Variants in RNLS observed in about 807,000 individuals in gnomAD.
RNLS encodes renalase, FAD dependent amine oxidase.
In RNLS, 39 loss-of-function variants were observed where a neutral mutation model predicts 39.8. The ratio of observed to expected loss-of-function variants is 0.98; its 90% CI spans 0.76 to 1.28. The LOEUF is 1.28. RNLS is among the 50% of genes most tolerant of loss of function. RNLS has a pLI of 0.00. For missense variants in RNLS, 410 were observed against 413.3 expected (o/e 0.99, Z 0.07); for synonymous variants, 147 against 150.7 (o/e 0.98, Z 0.18).
At chr10:88,488,697 G>A (rs926440662) in intron 4 of RNLS, among the ~76,000 whole-genome samples, 27 of 151,994 alleles carry the variant, frequency 1.8e-4, no homozygotes, top group Admixed American at 5.2e-4. Flanking sequence ...AAAAGTTGAC[G>A]GCTAATAGAG....
chr10:88,425,354 A>C (rs907146390), intron 4 of RNLS, among the ~76,000 whole-genome samples: 7 of 152,190 alleles, frequency 4.6e-5, no homozygotes, highest in African/African-American at 1.7e-4. Flanking sequence ...TAAATAAAAC[A>C]AAAATTAAAA....
chr10:88,427,729 A>T lies in RNLS; in HGVS notation c.527-65004T>A, dbSNP rs117980962. Reference sequence around the variant, plus strand: ...AGAAATCAGTCATATTCTTAAAGTCATTAAAGGGAAAAGATACAAATGATG... The same window carrying T: ...AGAAATCAGTCATATTCTTAAAGTCTTTAAAGGGAAAAGATACAAATGATG... On this transcript the variant is annotated intron_variant, in intron 4 of 6. Coordinates refer to ENST00000331772, the MANE Select transcript of RNLS (RefSeq NM_001031709.3). Among the ~76,000 whole-genome samples the T allele has an allele frequency of 8.5e-3, 1,290 of 152,124 alleles. 20 individuals are homozygous for T. The highest frequency in any genetic ancestry group is 0.032 in the East Asian group (167 of 5,178).
Position 88,542,387 on chromosome 10 carries a change from C to A in RNLS, c.526+30516G>T, listed in dbSNP as rs557092157. On this transcript the variant is annotated intron_variant, in intron 4 of 6. Coordinates refer to ENST00000331772, the MANE Select transcript of RNLS (RefSeq NM_001031709.3). ...CATTAAGTGCACTTGAAAAAATATA[C>A]CCTTGTTTGTCTTTGTTTTATCTAA... is the stretch of plus-strand genomic sequence containing the variant. Among the ~76,000 whole-genome samples the A allele has an allele frequency of 2.0e-5, 3 of 152,208 alleles. No homozygotes were observed. The East Asian group carries it at 5.8e-4, about 29-fold the overall frequency.
intron 5 of RNLS, among the ~76,000 whole-genome samples, chr10:88,358,562 A>T (rs1316962628): frequency 5.9e-5 from 9 of 152,220 alleles, no homozygotes; most frequent in Non-Finnish European, 1.5e-5. Context: ...TTGCAAATTT[A>T]TTTGATGACA....
intron 6 of RNLS, among the ~76,000 whole-genome samples, chr10:88,302,424 AACTGGCCAATGTC>A (rs1844597543): frequency 6.6e-6 from 1 of 152,238 alleles, no homozygotes; most frequent in Non-Finnish European, 1.5e-5. Flanking sequence ...CATGACGATG[AACTGGCCAATGTC>A]TTTGAAGGTT....
chr10:88,500,382 C>A (rs779861130), intron 4 of RNLS, among the ~76,000 whole-genome samples: 1 of 152,124 alleles, frequency 6.6e-6, no homozygotes, highest in Non-Finnish European at 1.5e-5. Context: ...TTTGAAGCAT[C>A]TGTATTTTCC....
chr10:88,385,469 A>G (rs1208852167), intron 4 of RNLS, among the ~76,000 whole-genome samples: 1 of 152,244 alleles, frequency 6.6e-6, no homozygotes, highest in African/African-American at 2.4e-5. Context: ...TAGACATGGT[A>G]GAATTTAGTA....
At chr10:88,214,363 TTTCTC>T in the RNLS span, among the ~76,000 whole-genome samples, 1 of 152,146 alleles carries the variant, frequency 6.6e-6, no homozygotes, top group Admixed American at 6.5e-5. Flanking sequence ...GCAACTCCCT[TTTCTC>T]TTTCCTTTAC....
the RNLS span, among the ~76,000 whole-genome samples, chr10:88,217,946 G>A: frequency 3.9e-5 from 6 of 152,038 alleles, no homozygotes; most frequent in Non-Finnish European, 8.8e-5. Context: ...AGGCTGAGGT[G>A]AGAGAATCGC....
At chr10:88,318,428 C>T (rs1180418933) in intron 5 of RNLS, among the ~76,000 whole-genome samples, 1 of 152,224 alleles carries the variant, frequency 6.6e-6, no homozygotes, top group Non-Finnish European at 1.5e-5. Flanking sequence ...CCTTTAGCCA[C>T]TGTTGAGGAT....
intron 4 of RNLS, among the ~76,000 whole-genome samples, chr10:88,426,484 G>GA (rs903067103): frequency 6.6e-6 from 1 of 151,520 alleles, no homozygotes. Context: ...GAGATACAGG[G>GA]AAAAAAAATT....
chr10:88,551,860 A>G (rs935296488), intron 4 of RNLS, among the ~76,000 whole-genome samples: 9 of 152,218 alleles, frequency 5.9e-5, no homozygotes, highest in African/African-American at 2.2e-4. Context: ...TATCTAGCAC[A>G]TAATGGGTAC....
At chr10:88,570,065 A>C (rs1564909419) in intron 4 of RNLS, among the ~76,000 whole-genome samples, 1 of 152,174 alleles carries the variant, frequency 6.6e-6, no homozygotes, top group Non-Finnish European at 1.5e-5. Context: ...CCCTGAACAG[A>C]AACAGGAAAA....
At chr10:88,569,379 T>C (rs1201065317) in intron 4 of RNLS, among the ~76,000 whole-genome samples, 1 of 152,082 alleles carries the variant, frequency 6.6e-6, no homozygotes, top group Admixed American at 6.6e-5. Context: ...AAAGATTTAA[T>C]ATTTCAATTC....
At chr10:88,469,666 A>C (rs369534560) in intron 4 of RNLS, among the ~76,000 whole-genome samples, 1 of 152,162 alleles carries the variant, frequency 6.6e-6, no homozygotes, top group Non-Finnish European at 1.5e-5. Flanking sequence ...TTACTTAAAC[A>C]TCAAAACCTT....
At chr10:88,172,065 A>G in the RNLS span, among the ~76,000 whole-genome samples, 2 of 152,184 alleles carry the variant, frequency 1.3e-5, no homozygotes, top group Non-Finnish European at 2.9e-5. Flanking sequence ...TTCTTTATCC[A>G]TTCATCTGTT....
At chr10:88,172,079 A>G in the RNLS span, among the ~76,000 whole-genome samples, 1 of 152,208 alleles carries the variant, frequency 6.6e-6, no homozygotes, top group African/African-American at 2.4e-5. Flanking sequence ...ATCTGTTGAC[A>G]GGTGAATGGG....
the RNLS span, among the ~76,000 whole-genome samples, chr10:88,248,555 A>G: frequency 6.2e-4 from 95 of 152,302 alleles, 1 homozygote; most frequent in African/African-American, 2.1e-3. Context: ...TGGACTCCCA[A>G]TGCCATCACT....
chr10:88,294,951 T>C (rs986683194), intron 6 of RNLS, among the ~76,000 whole-genome samples: 1 of 152,032 alleles, frequency 6.6e-6, no homozygotes, highest in African/African-American at 2.4e-5. Context: ...ATAACCATGC[T>C]ATTAACCACC....
Sources: gnomAD v4.1 joint callset for allele counts (sites outside exome capture counted in the v4.1 genomes callset) on GRCh38, gnomAD v4.1.1 for gene constraint, MANE v1.5 for transcripts, NCBI Gene and HGNC (gene_info 2026-07-23, HGNC 2026-07-21) for gene names.